SLC35G1: variants seen among roughly 807,000 people sequenced by gnomAD.
The protein encoded by SLC35G1 is solute carrier family 35 member G1.
In SLC35G1, 10 loss-of-function variants were observed where a neutral mutation model predicts 17.1. The observed-to-expected ratio is 0.59, with a 90% CI of 0.36 to 0.99. The LOEUF (loss-of-function observed/expected upper bound fraction) is 0.99, where lower values mean the gene tolerates loss of function less well. Among genes scored for constraint, SLC35G1 ranks in the 50% least tolerant of loss-of-function variants. The pLI is 0.01. For synonymous variants in SLC35G1, 185 were observed against 181.1 expected, an observed-to-expected ratio of 1.02 and a Z score of -0.18; for missense variants, 433 against 468.4, an observed-to-expected ratio of 0.92 and a Z score of 0.70.
chr10:93,899,263 T>C (rs567252495), intron 2 of SLC35G1, among the ~76,000 whole-genome samples: 1 of 152,298 alleles, frequency 6.6e-6, no homozygotes, highest in Admixed American at 6.5e-5. Context: ...CTAGAGGGAA[T>C]GATACTGTGT....
chr10:93,905,253 G>A (rs746655713), downstream of SLC35G1, among the ~76,000 whole-genome samples: 1 of 152,112 alleles, frequency 6.6e-6, no homozygotes, highest in Non-Finnish European at 1.5e-5. Flanking sequence ...AGAGCCAGAT[G>A]TTCTTGATAT....
At chr10:93,904,153 G>T (rs780437568), downstream of SLC35G1, among the ~76,000 whole-genome samples, 38 of 152,034 alleles carry the variant, frequency 2.5e-4, no homozygotes, top group Non-Finnish European at 5.1e-4. Context: ...TCTTCTTATT[G>T]TCTTCTTATT....
chr10:93,901,053 C>T lies in SLC35G1; in HGVS notation c.661C>T (p.His221Tyr). The change falls in exon 3 of 3, where the codon CAC becomes TAC. Residue 221 changes from histidine to tyrosine, a missense_variant. His to Tyr is a moderately conservative substitution (Grantham distance 83). Transcript: ENST00000427197. Reference protein sequence around the residue: ...TSGMEESYSGHLKGTFAAIGS... With the variant: ...TSGMEESYSGYLKGTFAAIGS... ...GGGGATGGAAGAAAGCTATTCAGGCCACCTTAAGGGAACATTCGCAGCAAT... is the reference window on the plus strand; with the variant it reads ...GGGGATGGAAGAAAGCTATTCAGGCTACCTTAAGGGAACATTCGCAGCAAT... 1 of 1,614,070 alleles carries T rather than the reference C, an allele frequency of 6.2e-7. No homozygotes were observed. The highest frequency in any genetic ancestry group is 8.5e-7 in the Non-Finnish European group (1 of 1,179,972).
At position 93,901,728 on chromosome 10, in the gene SLC35G1, CA is replaced by C. The variant is rs2060388069; in HGVS notation, c.*240del. The stretch of plus-strand genomic sequence containing the variant: ...TTTTTTTTGTTGTTGTTGTTGGGGT[CA>C]AGTTGGTGAGAGGAGAGCTCATTGT... On this transcript the variant is annotated 3_prime_UTR_variant, in exon 3 of 3. Coordinates refer to ENST00000427197, the MANE Select transcript of SLC35G1 (RefSeq NM_001134658.3). The C allele has an allele frequency of 2.6e-6, 1 of 388,966 alleles. No individual in the cohort carries two copies. Among genetic ancestry groups the C allele is most frequent in the Non-Finnish European group, 4.5e-6 (1 of 223,038 alleles). 24.1% of individuals were successfully genotyped at this position (388,966 alleles called of 1,614,324 possible). A position where few individuals can be genotyped will look rare whatever the true frequency, so the allele number is the denominator to read the frequency against.
chr10:93,894,745 T>A (rs961135058), intron 1 of SLC35G1, among the ~76,000 whole-genome samples: 3 of 152,162 alleles, frequency 2.0e-5, no homozygotes, highest in Non-Finnish European at 4.4e-5. Context: ...AAGGACTTTT[T>A]AGCAAACGAT....
At chr10:93,897,270 T>A (rs932922930) in intron 1 of SLC35G1, among the ~76,000 whole-genome samples, 1 of 152,232 alleles carries the variant, frequency 6.6e-6, no homozygotes, top group Admixed American at 6.5e-5. Flanking sequence ...CATACTTTGG[T>A]CCCAGTTTGC....
Position 93,901,221 on chromosome 10 carries a change from A to G in SLC35G1, c.829A>G (p.Ser277Gly), listed in dbSNP as rs763056989. The G allele has an allele frequency of 4.3e-6, 7 of 1,614,060 alleles. No homozygotes were observed. The highest frequency in any genetic ancestry group is 3.3e-5 in the Admixed American group (2 of 60,010). Residue 277 changes from serine (S) to glycine (G), a missense_variant, in exon 3 of 3, where the codon AGT becomes GGT. Transcript: ENST00000427197. ...VIILSVLGEW[S>G]LPYCGLDRLF... The stretch of plus-strand genomic sequence containing the variant: ...CATCCTCTCTGTATTAGGAGAGTGG[A>G]GTCTGCCTTACTGTGGGTTGGACAG...
Position 93,901,554 on chromosome 10 carries a change from C to A in SLC35G1, c.*64C>A. 6.8e-7 allele frequency: 1 copy of A among 1,480,318 alleles called. No homozygotes were observed. Among genetic ancestry groups the A allele is most frequent in the Non-Finnish European group, 9.0e-7 (1 of 1,112,928 alleles). The allele number at this position is 1,480,318 out of a possible 1,614,324, so 91.7% of individuals were successfully genotyped here. On this transcript the variant is annotated 3_prime_UTR_variant, in exon 3 of 3. Coordinates refer to ENST00000427197, the MANE Select transcript of SLC35G1 (RefSeq NM_001134658.3). Reference sequence around the variant, plus strand: ...CATCACCTAATTCACATACAGCATACGCACACATCTGGAAAATCTGCATTT... The same window carrying A: ...CATCACCTAATTCACATACAGCATAAGCACACATCTGGAAAATCTGCATTT...
At chr10:93,897,586 G>A (rs2060343118) in intron 1 of SLC35G1, among the ~76,000 whole-genome samples, 1 of 152,156 alleles carries the variant, frequency 6.6e-6, no homozygotes, top group African/African-American at 2.4e-5. Flanking sequence ...GGCATTCTCT[G>A]CCCACCCTGC....
chr10:93,894,367 G>A (rs1453269623), intron 1 of SLC35G1, among the ~76,000 whole-genome samples, 156 bp downstream of exon 1: 1 of 152,090 alleles, frequency 6.6e-6, no homozygotes, highest in African/African-American at 2.4e-5. Context: ...TCAGCTGGGG[G>A]GCTGCAAAGC....
exon 3 of SLC35G1, chr10:93,909,412 AT>A (rs1320708262): frequency 1.3e-5 from 2 of 151,916 alleles, no homozygotes; most frequent in Admixed American, 6.6e-5. Context: ...AAAAAAAAAA[AT>A]CCATGCAATT....
At position 93,901,167 on chromosome 10, in the gene SLC35G1, G is replaced by A; in HGVS notation, c.775G>A (p.Val259Ile). The change falls in exon 3 of 3, where the codon GTA becomes ATA. Residue 259 changes from valine (V) to isoleucine (I), a missense_variant. Coordinates refer to ENST00000427197, the MANE Select transcript of SLC35G1 (RefSeq NM_001134658.3). ...CTACTTTCTGAGCATTTGGTATTAT[G>A]TAGTACTTGGCCTCGTTGAAAGTGT... ...VDYFLSIWYY[V>I]VLGLVESVII... 2 of 1,614,128 alleles carry A rather than the reference G, an allele frequency of 1.2e-6. No homozygotes were observed. Among genetic ancestry groups the A allele is most frequent in the South Asian group, 1.1e-5 (1 of 91,082 alleles).
chr10:93,897,763 A>G (rs1416012552), intron 1 of SLC35G1, among the ~76,000 whole-genome samples: 1 of 152,234 alleles, frequency 6.6e-6, no homozygotes, highest in Non-Finnish European at 1.5e-5. Context: ...CCTCGTTCAG[A>G]TCGAGCCAAG....
At position 93,894,225 on chromosome 10, in the gene SLC35G1, G is replaced by C; in HGVS notation, c.178+14G>C. ...GCACCGAGCCGGGTGAGTGCGCGGT[G>C]TGGATCGGGCTCTGGTCTCGCTCGG... On this transcript the variant is annotated intron_variant, in intron 1 of 2. Coordinates refer to ENST00000427197, the MANE Select transcript of SLC35G1 (RefSeq NM_001134658.3). The C allele has an allele frequency of 7.3e-7, 1 of 1,364,812 alleles. No homozygotes were observed. Among genetic ancestry groups the C allele is most frequent in the Admixed American group, 3.5e-5 (1 of 28,302 alleles). 84.5% of individuals were successfully genotyped at this position (1,364,812 alleles called of 1,614,324 possible).
chr10:93,907,795 C>CAAAATAAAATAAAAT (rs72348488), downstream of SLC35G1: 251 of 150,184 alleles, frequency 1.7e-3, 1 homozygote, highest in African/African-American at 5.7e-3. Flanking sequence ...ATAACTTAGT[C>CAAAATAAAATAAAAT]AAAATAAAAT....
chr10:93,907,528 ATAAAT>A (rs1295548241), downstream of SLC35G1: 1 of 152,262 alleles, frequency 6.6e-6, no homozygotes, highest in Non-Finnish European at 1.5e-5. Context: ...GCAATTAAAA[ATAAAT>A]TTAAGAAGAG....
In SLC35G1 at chr10:93,900,759, T is replaced by C; in HGVS notation, c.367T>C (p.Phe123Leu). ...IPCLIYRKTG[F>L]IGPKGQRIFL... ...CTTCATTTGAATTTACAGAACTGGG[T>C]TTATAGGCCCAAAAGGTCAACGAAT... Residue 123 changes from phenylalanine (F) to leucine (L), a missense_variant, in exon 3 of 3, where the codon TTT (phenylalanine) becomes CTT (leucine). By Grantham distance (22) the Phe-to-Leu change is conservative. Transcript: ENST00000427197. 6.3e-7 allele frequency: 1 copy of C among 1,592,852 alleles called. No individual in the cohort carries two copies. Among genetic ancestry groups the C allele is most frequent in the Non-Finnish European group, 8.6e-7 (1 of 1,165,484 alleles).
chr10:93,898,460 G>A (rs1456452285), intron 1 of SLC35G1, 111 bp from the exon 2 acceptor site: 3 of 952,854 alleles, frequency 3.1e-6, no homozygotes, highest in Non-Finnish European at 4.7e-6. Context: ...TGCTTAGGAG[G>A]TAATAAAGCC....
Position 93,901,271 on chromosome 10 carries a change from C to G in SLC35G1, c.879C>G (p.Leu293=). Residue 293 remains leucine (L), a synonymous_variant, in exon 3 of 3, where the codon CTC becomes CTG. Transcript: ENST00000427197. ...GGCTATTTCTCATATTCATTGGGCTCTTTGGTTTGGGGGGTCAGATATTTA... is the reference window on the plus strand; with the variant it reads ...GGCTATTTCTCATATTCATTGGGCTGTTTGGTTTGGGGGGTCAGATATTTA... The part of the protein sequence containing the change: ...LDRLFLIFIG[L]FGLGGQIFIT... 1 of 1,613,744 alleles carries G rather than the reference C, an allele frequency of 6.2e-7. No homozygotes were observed. Among genetic ancestry groups the G allele is most frequent in the Non-Finnish European group, 8.5e-7 (1 of 1,179,820 alleles).
Sources: gnomAD v4.1 joint callset for allele counts (sites outside exome capture counted in the v4.1 genomes callset) on GRCh38, gnomAD v4.1.1 for gene constraint, MANE v1.5 for transcripts, NCBI Gene and HGNC (gene_info 2026-07-23, HGNC 2026-07-21) for gene names.